The following DOCK3 variants were observed in gnomAD, a reference collection of about 807,000 sequenced individuals.
DOCK3 encodes the protein dedicator of cytokinesis 3.
In DOCK3, 60 loss-of-function variants were observed where a neutral mutation model predicts 265.6. The ratio of observed to expected loss-of-function variants is 0.23; its 90% CI spans 0.18 to 0.28. The LOEUF is 0.28. Among genes scored for constraint, DOCK3 ranks in the 10% least tolerant of loss-of-function variants. The probability of loss-of-function intolerance (pLI) is 1.00; values close to 1 mark genes in which losing one functional copy is unlikely to be tolerated. For synonymous variants in DOCK3, 881 were observed against 938.0 expected, an observed-to-expected ratio of 0.94 and a Z score of 1.11; for missense variants, 1,981 against 2,594.3, an observed-to-expected ratio of 0.76 and a Z score of 5.14.
intron 9 of DOCK3, among the ~76,000 whole-genome samples, chr3:51,144,587 G>A (rs2085211823): frequency 1.3e-5 from 2 of 151,940 alleles, no homozygotes; most frequent in African/African-American, 4.8e-5. Flanking sequence ...TTTTCTCTTT[G>A]TTCTTTGCAT....
chr3:51,103,141 T>C (rs1489218638), intron 9 of DOCK3, among the ~76,000 whole-genome samples: 1 of 152,196 alleles, frequency 6.6e-6, no homozygotes, highest in Non-Finnish European at 1.5e-5. Context: ...TAAAACGATA[T>C]CTTTTTCTTT....
At chr3:50,915,753 A>G (rs1440158461) in intron 4 of DOCK3, among the ~76,000 whole-genome samples, 1 of 151,948 alleles carries the variant, frequency 6.6e-6, no homozygotes, top group African/African-American at 2.4e-5. Flanking sequence ...TGGATGGCCA[A>G]GGCACTATTT....
chr3:50,817,462 A>AT (rs1285081832), intron 2 of DOCK3, among the ~76,000 whole-genome samples: 230 of 149,844 alleles, frequency 1.5e-3, no homozygotes, highest in African/African-American at 4.1e-3. Flanking sequence ...AACTAATTAA[A>AT]TTTTTTTTTT....
chr3:50,767,314 T>C (rs1428339261), intron 1 of DOCK3, among the ~76,000 whole-genome samples: 6 of 152,340 alleles, frequency 3.9e-5, no homozygotes, highest in Middle Eastern at 3.4e-3. Context: ...AAGGAAGGGC[T>C]CCAGTTTCAG....
intron 9 of DOCK3, among the ~76,000 whole-genome samples, chr3:51,109,451 C>G (rs1300665171): frequency 6.6e-6 from 1 of 151,954 alleles, no homozygotes; most frequent in Non-Finnish European, 1.5e-5. Flanking sequence ...AACATCACAA[C>G]TAAAAGAACT....
intron 7 of DOCK3, among the ~76,000 whole-genome samples, chr3:51,077,369 T>A (rs551329129): frequency 6.6e-6 from 1 of 152,256 alleles, no homozygotes; most frequent in Non-Finnish European, 1.5e-5. Flanking sequence ...AGCTTTACAT[T>A]TTTAAAAGAT....
chr3:51,159,354 A>T (rs1023887826), intron 11 of DOCK3, 50 bp downstream of exon 11: 1 of 1,555,926 alleles, frequency 6.4e-7, no homozygotes, highest in Non-Finnish European at 8.9e-7. Flanking sequence ...CCAACTTGGG[A>T]TAAGTATGTC....
intron 22 of DOCK3, among the ~76,000 whole-genome samples, chr3:51,252,261 G>A (rs1419835736): frequency 1.3e-5 from 2 of 152,204 alleles, no homozygotes; most frequent in African/African-American, 2.4e-5. Flanking sequence ...TTTGGTTACT[G>A]TAGCCTTGTA....
rs541148550 is a variant in DOCK3 at position 51,165,572 on chromosome 3, G to A, written c.1037+4870G>A. Among the ~76,000 whole-genome samples the A allele has an allele frequency of 7.9e-5, 12 of 152,320 alleles. No homozygotes were observed. The South Asian group carries it at 2.3e-3, about 29-fold the overall frequency. The stretch of plus-strand genomic sequence containing the variant: ...TTACAACTGAAAGTTTGTGTCCTGA[G>A]ATGAACATTTCTCCATTACCTCCTC... On this transcript the variant is annotated intron_variant, in intron 12 of 52. Transcript: ENST00000266037.
chr3:50,853,039 A>G (rs887603829), intron 3 of DOCK3, among the ~76,000 whole-genome samples: 5 of 152,184 alleles, frequency 3.3e-5, no homozygotes, highest in Non-Finnish European at 7.3e-5. Flanking sequence ...TCTGTTGGAA[A>G]CATTACAGTT....
chr3:50,754,016 C>T (rs1202006335), intron 1 of DOCK3, among the ~76,000 whole-genome samples: 1 of 151,754 alleles, frequency 6.6e-6, no homozygotes, highest in African/African-American at 2.4e-5. Context: ...ATTAGCTGGG[C>T]GTGGTGTCAC....
chr3:51,214,645 T>C (rs77204798), intron 14 of DOCK3, among the ~76,000 whole-genome samples: 2 of 152,226 alleles, frequency 1.3e-5, no homozygotes, highest in African/African-American at 2.4e-5. Flanking sequence ...TCAAAATATA[T>C]GCCTGTAGTA....
chr3:51,239,284 A>G (rs912276858), intron 21 of DOCK3, among the ~76,000 whole-genome samples: 3 of 151,730 alleles, frequency 2.0e-5, no homozygotes, highest in Non-Finnish European at 2.9e-5. Context: ...ATCTTGGCTC[A>G]CTGTAACCTG....
intron 27 of DOCK3, among the ~76,000 whole-genome samples, chr3:51,297,172 A>G (rs2082135370): frequency 6.6e-6 from 1 of 150,838 alleles, no homozygotes; most frequent in South Asian, 2.1e-4. Context: ...TCGCATCTCT[A>G]CCTTATAGTA....
chr3:51,056,739 A>G (rs1269624339), intron 5 of DOCK3, among the ~76,000 whole-genome samples: 2 of 152,104 alleles, frequency 1.3e-5, no homozygotes, highest in African/African-American at 2.4e-5. Flanking sequence ...TTTTGAATAA[A>G]CTCAAGTTCT....
chr3:50,941,791 A>G lies in DOCK3; in HGVS notation c.315+7714A>G, dbSNP rs368374893. Among the ~76,000 whole-genome samples the G allele has an allele frequency of 5.3e-5, 8 of 152,226 alleles. No individual in the cohort carries two copies. In the East Asian group the frequency reaches 1.2e-3, roughly 22 times the overall value. The stretch of plus-strand genomic sequence containing the variant: ...CAAGGGCATGATGCTACTTAAAAAA[A>G]TGTACCTTCAAAGGGTTGCATACTC... On this transcript the variant is annotated intron_variant, in intron 5 of 52. Coordinates refer to ENST00000266037, the MANE Select transcript of DOCK3 (RefSeq NM_004947.5).
chr3:51,289,216 T>C (rs1333137453), intron 27 of DOCK3, among the ~76,000 whole-genome samples: 1 of 152,138 alleles, frequency 6.6e-6, no homozygotes. Flanking sequence ...CTGCATGTTC[T>C]CACTTATAAG....
At chr3:50,798,790 T>C (rs183161761) in intron 2 of DOCK3, among the ~76,000 whole-genome samples, 122 of 152,278 alleles carry the variant, frequency 8.0e-4, no homozygotes, top group Non-Finnish European at 1.4e-3. Context: ...ATTTATAAAA[T>C]CTTTGTGTAG....
At chr3:50,710,899 G>T (rs2107913014) in intron 1 of DOCK3, among the ~76,000 whole-genome samples, 1 of 152,328 alleles carries the variant, frequency 6.6e-6, no homozygotes, top group South Asian at 2.1e-4. Flanking sequence ...TGAAGTAACA[G>T]AGGAATGGAA....
Sources: gnomAD v4.1 joint callset for allele counts (sites outside exome capture counted in the v4.1 genomes callset) on GRCh38, gnomAD v4.1.1 for gene constraint, MANE v1.5 for transcripts, NCBI Gene and HGNC (gene_info 2026-07-23, HGNC 2026-07-21) for gene names.